The following FBXO10 variants were observed in gnomAD, a reference collection of about 807,000 sequenced individuals.
FBXO10 encodes the protein F-box only protein 10.
FBXO10 carries 39 observed loss-of-function variants against 80.7 expected under a neutral mutation model. The observed-to-expected ratio is 0.48, with a 90% CI of 0.37 to 0.63. FBXO10 has a LOEUF of 0.63. Ranked by LOEUF, FBXO10 falls within the 30% of genes least tolerant of loss-of-function variation. The probability of loss-of-function intolerance (pLI) is 0.00; values close to 1 mark genes in which losing one functional copy is unlikely to be tolerated. For synonymous variants in FBXO10, 449 were observed against 489.6 expected (o/e 0.92, Z 1.09); for missense variants, 1,025 against 1,269.0 (o/e 0.81, Z 2.92).
chr9:37,533,195 C>G (rs1362353958), intron 3 of FBXO10, among the ~76,000 whole-genome samples: 1 of 152,156 alleles, frequency 6.6e-6, no homozygotes, highest in Admixed American at 6.5e-5. Flanking sequence ...GGTTCTGCAT[C>G]CATGGATTCA....
At chr9:37,526,938 C>T (rs777488165) in intron 5 of FBXO10, among the ~76,000 whole-genome samples, 1 of 151,896 alleles carries the variant, frequency 6.6e-6, no homozygotes, top group Non-Finnish European at 1.5e-5. Flanking sequence ...GCAACCTTCG[C>T]CTCCCGGGTT....
At chr9:37,563,994 G>A (rs187729447) in intron 1 of FBXO10, among the ~76,000 whole-genome samples, 1 of 152,250 alleles carries the variant, frequency 6.6e-6, no homozygotes, top group Admixed American at 6.5e-5. Context: ...CCCATCACAG[G>A]CCCAAGGCCT....
chr9:37,568,704 G>T (rs985075242), intron 1 of FBXO10, among the ~76,000 whole-genome samples: 1 of 151,990 alleles, frequency 6.6e-6, no homozygotes, highest in East Asian at 1.9e-4. Context: ...GTGGTCTAAG[G>T]TCGGAGTTCA....
Position 37,518,290 on chromosome 9 carries a change from C to T in FBXO10, c.2349G>A (p.Gly783=), listed in dbSNP as rs759881885. ...CTTTGCACTGGGCCTCAACCTTGAC[C>T]CCACTTTGCCGGTTGCAGGAGATGC... The part of the protein sequence containing the change: ...NNSISCNRQS[G]VKVEAQCKVE... The change falls in exon 9 of 11, where the codon GGG becomes GGA. Residue 783 remains glycine (G), a synonymous_variant. Transcript: ENST00000432825. The T allele has an allele frequency of 2.2e-5, 35 of 1,613,936 alleles. No homozygotes were observed. The highest frequency in any genetic ancestry group is 3.0e-5 in the Non-Finnish European group (35 of 1,179,904).
chr9:37,512,877 G>GT, intron 10 of FBXO10, among the ~76,000 whole-genome samples, 156 bp from the exon 11 acceptor site: 1 of 152,342 alleles, frequency 6.6e-6, no homozygotes, highest in South Asian at 2.1e-4. Flanking sequence ...GTCCAAAGAG[G>GT]TGGGCTGTTG....
At chr9:37,573,350 C>T (rs922907650) in intron 1 of FBXO10, among the ~76,000 whole-genome samples, 1 of 152,108 alleles carries the variant, frequency 6.6e-6, no homozygotes, top group Admixed American at 6.5e-5. Flanking sequence ...AACAAAAGCC[C>T]AGAGTGAGGT....
At chr9:37,513,422 C>T (rs546529371) in intron 10 of FBXO10, among the ~76,000 whole-genome samples, 12 of 152,294 alleles carry the variant, frequency 7.9e-5, no homozygotes, top group African/African-American at 1.9e-4. Flanking sequence ...CTGTGCAGTA[C>T]ACCCATACAG....
intron 10 of FBXO10, among the ~76,000 whole-genome samples, chr9:37,513,435 G>A (rs1021724257): frequency 2.0e-5 from 3 of 152,174 alleles, no homozygotes; most frequent in Non-Finnish European, 4.4e-5. Context: ...CCATACAGGG[G>A]AAGACTACTC....
intron 5 of FBXO10, among the ~76,000 whole-genome samples, chr9:37,525,488 G>A (rs929789727): frequency 3.9e-5 from 6 of 152,012 alleles, no homozygotes; most frequent in African/African-American, 1.2e-4. Context: ...TGCTATACAC[G>A]CACAATGATA....
rs1397787221 is a variant in FBXO10 at position 37,512,463 on chromosome 9, G to A, written c.*84C>T. The A allele has an allele frequency of 3.4e-6, 5 of 1,470,082 alleles. No individual in the cohort carries two copies. Among genetic ancestry groups the A allele is most frequent in the Non-Finnish European group, 4.6e-6 (5 of 1,083,376 alleles). 91.1% of individuals were successfully genotyped at this position (1,470,082 alleles called of 1,614,324 possible). A position where few individuals can be genotyped will look rare whatever the true frequency, so the allele number is the denominator to read the frequency against. On this transcript the variant is annotated 3_prime_UTR_variant, in exon 11 of 11. Transcript: ENST00000432825. The stretch of plus-strand genomic sequence containing the variant: ...CCCATTTGTTCGAGGGGGAGGGGGA[G>A]GGGCGGAGTCTTTTCAGGCAGTATT...
Position 37,537,385 on chromosome 9 carries a change from G to A in FBXO10, c.1144C>T (p.Arg382Cys), listed in dbSNP as rs758944618. 2.7e-5 allele frequency: 43 copies of A among 1,596,348 alleles called. No individual in the cohort carries two copies. Among genetic ancestry groups the A allele is most frequent in the Admixed American group, 3.5e-5 (2 of 56,600 alleles). Residue 382 changes from arginine (R) to cysteine (C), a missense_variant, in exon 3 of 11, where the codon CGC (arginine) becomes TGC (cysteine). Around this residue, in one of 3 missense-constraint regions of FBXO10, gnomAD observed 450 missense variants for 499.4 expected, o/e 0.90. Transcript: ENST00000432825. ...AGAAATGAGCCCCCCAATACAGGGCGTGGGCCCTGCACTTGGTAGGATAGT... is the reference window on the plus strand; with the variant it reads ...AGAAATGAGCCCCCCAATACAGGGCATGGGCCCTGCACTTGGTAGGATAGT... ...YRLSYQVQGP[R>C]PVLGGSFLGP... is the part of the protein sequence containing the mutation.
In FBXO10 at chr9:37,537,520, C is replaced by T. The variant is rs571226705; in HGVS notation, c.1009G>A (p.Glu337Lys). 1.2e-5 allele frequency: 20 copies of T among 1,612,758 alleles called. 1 individual carries two copies. In the South Asian group the frequency reaches 2.2e-4, roughly 18 times the overall value. The change falls in exon 3 of 11, where the codon GAG (glutamate) becomes AAG (lysine). Residue 337 changes from glutamate to lysine, a missense_variant. Glu to Lys is a moderately conservative substitution (Grantham distance 56). Coordinates refer to ENST00000432825, the MANE Select transcript of FBXO10 (RefSeq NM_012166.3). Reference sequence around the variant, plus strand: ...TCACCATCACTACCCACCTCTGCCTCCTGTGAGCCAGCCTTGGAGCCTGGC... The same window carrying T: ...TCACCATCACTACCCACCTCTGCCTTCTGTGAGCCAGCCTTGGAGCCTGGC... ...PKPGSKAGSQ[E>K]AEVGSDGERV...
chr9:37,574,739 T>C (rs777236617), intron 1 of FBXO10, among the ~76,000 whole-genome samples: 2 of 152,176 alleles, frequency 1.3e-5, no homozygotes, highest in Non-Finnish European at 2.9e-5. Context: ...TATTTTAAAA[T>C]GTACTGAGAA....
chr9:37,516,935 T>C (rs1302489531), intron 9 of FBXO10, among the ~76,000 whole-genome samples: 1 of 130,772 alleles, frequency 7.6e-6, no homozygotes, highest in Non-Finnish European at 1.6e-5. Context: ...CACTCCAGCC[T>C]GGGCAAAAGA....
intron 1 of FBXO10, among the ~76,000 whole-genome samples, chr9:37,556,233 T>C (rs1588854103): frequency 6.6e-6 from 1 of 152,350 alleles, no homozygotes. Flanking sequence ...TGACACTTTT[T>C]TTCCTTTTAT....
At chr9:37,547,613 A>AAAAAC (rs1400007381) in intron 1 of FBXO10, among the ~76,000 whole-genome samples, 1 of 152,140 alleles carries the variant, frequency 6.6e-6, no homozygotes, top group African/African-American at 2.4e-5. Context: ...TCTTATCTCA[A>AAAAAC]AAAACAAAAC....
At chr9:37,520,313 CTT>C (rs11309075) in intron 8 of FBXO10, among the ~76,000 whole-genome samples, 75 of 110,904 alleles carry the variant, frequency 6.8e-4, no homozygotes, top group African/African-American at 1.7e-3. Flanking sequence ...CTTCTACCAT[CTT>C]TTTTTTTTTT....
chr9:37,557,568 C>T (rs1444879129), intron 1 of FBXO10, among the ~76,000 whole-genome samples: 1 of 152,138 alleles, frequency 6.6e-6, no homozygotes, highest in Non-Finnish European at 1.5e-5. Flanking sequence ...TGCTGTCTTT[C>T]CATAAAGTTT....
chr9:37,563,133 C>A (rs1267341286), intron 1 of FBXO10, among the ~76,000 whole-genome samples: 1 of 152,184 alleles, frequency 6.6e-6, no homozygotes, highest in African/African-American at 2.4e-5. Flanking sequence ...TATAAGCCAT[C>A]TGGCATTTCC....
Sources: allele counts gnomAD v4.1 joint callset (sites outside exome capture counted in the v4.1 genomes callset), GRCh38; gene constraint gnomAD v4.1.1; regional missense constraint gnomAD v4.1.1; transcripts MANE v1.5; gene names NCBI Gene and HGNC (gene_info 2026-07-23, HGNC 2026-07-21).